Variants in STAG3 observed in about 807,000 individuals in gnomAD.
STAG3 encodes the protein cohesin subunit SA-3.
STAG3 carries 101 observed loss-of-function variants against 160.7 expected under a neutral mutation model. That is an observed-to-expected ratio of 0.63 (90% CI 0.54 to 0.74). The LOEUF (loss-of-function observed/expected upper bound fraction) is 0.74, where lower values mean the gene tolerates loss of function less well. Ranked by LOEUF, STAG3 falls within the 30% of genes least tolerant of loss-of-function variation. STAG3 has a pLI of 0.00. For synonymous variants in STAG3, 519 were observed against 585.0 expected (o/e 0.89, Z 1.63); for missense variants, 1,188 against 1,517.4 (o/e 0.78, Z 3.61).
At chr7:100,208,848 A>G (rs889466461) in intron 29 of STAG3, among the ~76,000 whole-genome samples, 8 of 152,328 alleles carry the variant, frequency 5.3e-5, no homozygotes, top group African/African-American at 1.7e-4. Context: ...TGGGGATTGC[A>G]GTCTTACAAA....
intron 26 of STAG3, among the ~76,000 whole-genome samples, chr7:100,204,420 A>G (rs999940716): frequency 6.6e-6 from 1 of 152,004 alleles, no homozygotes; most frequent in African/African-American, 2.4e-5. Context: ...GTTACTATAG[A>G]CGTTTTTATT....
At chr7:100,217,740 G>A (rs529840246), downstream of STAG3, among the ~76,000 whole-genome samples, 150 of 152,230 alleles carry the variant, frequency 9.9e-4, no homozygotes, top group African/African-American at 3.2e-3. Context: ...TTAGGTAGCC[G>A]AGGCGGAGAG....
At chr7:100,188,772 G>A in intron 6 of STAG3, 40 bp from the exon 7 acceptor site, 3 of 1,602,256 alleles carry the variant, frequency 1.9e-6, no homozygotes, top group Non-Finnish European at 2.6e-6. Context: ...TCATGGACCT[G>A]GTAATAACTT....
intron 9 of STAG3, among the ~76,000 whole-genome samples, chr7:100,195,764 G>A (rs1473638290): frequency 2.0e-5 from 3 of 152,198 alleles, no homozygotes; most frequent in African/African-American, 7.2e-5. Context: ...TCCTGGCCCA[G>A]CCTGCTGTCT....
intron 2 of STAG3, among the ~76,000 whole-genome samples, chr7:100,181,075 A>C (rs1390388253): frequency 6.6e-6 from 1 of 152,100 alleles, no homozygotes; most frequent in Non-Finnish European, 1.5e-5. Flanking sequence ...GGGGGCTGAG[A>C]GCTGGCAGAT....
In STAG3 at chr7:100,189,093, C is replaced by G. The variant is rs139760155; in HGVS notation, c.715+77C>G. 4 of 1,502,114 alleles carry G rather than the reference C, an allele frequency of 2.7e-6. No homozygotes were observed. In the African/African-American group the frequency reaches 4.1e-5, roughly 16 times the overall value. The allele number at this position is 1,502,114 out of a possible 1,614,324, so 93.0% of individuals were successfully genotyped here. A position where few individuals can be genotyped will look rare whatever the true frequency, so the allele number is the denominator to read the frequency against. On this transcript the variant is annotated intron_variant, in intron 7 of 33. Transcript: ENST00000615138. ...CCTCTGTTCTCTGATTCAGGATCTT[C>G]TTTCCTACCTGCATCTTGGCTCTTC...
intron 32 of STAG3, 75 bp downstream of exon 32, chr7:100,211,951 C>A: frequency 7.3e-7 from 1 of 1,368,390 alleles, no homozygotes; most frequent in Non-Finnish European, 1.0e-6. Context: ...GGTGTTTCCC[C>A]TCTCTCCGCT....
At chr7:100,206,039 G>T (rs1801620740) in intron 29 of STAG3, among the ~76,000 whole-genome samples, 1 of 151,886 alleles carries the variant, frequency 6.6e-6, no homozygotes, top group Non-Finnish European at 1.5e-5. Flanking sequence ...TTTTGAGATG[G>T]AGTCTTGCTC....
chr7:100,198,584 TG>T lies in STAG3; in HGVS notation c.1352+3del. 6.2e-7 allele frequency: 1 copy of T among 1,612,530 alleles called. No homozygotes were observed. The highest frequency in any genetic ancestry group is 1.8e-4 in the Middle Eastern group (1 of 5,516). On this transcript the variant is annotated splice_donor_region_variant and intron_variant, in intron 13 of 33. Transcript: ENST00000615138. ...CGCAGGCGAATTTCTGTACTGGAAG[TG>T]AGTGGGGCTCCTTTTATGTTTCTTT...
chr7:100,199,277 G>C lies in STAG3; in HGVS notation c.1483G>C (p.Ala495Pro). ...TCTCCCCTAGCTCCATGACCACGCT[G>C]CTTACTTAGTAGACAGTCTGTGGGA... is the stretch of plus-strand genomic sequence containing the variant. ...FVESELHDHA[A>P]YLVDSLWDCA... Residue 495 changes from alanine (A) to proline (P), a missense_variant, in exon 15 of 34, where the codon GCT becomes CCT. By Grantham distance (27) the Ala-to-Pro change is conservative. Coordinates refer to ENST00000615138, the MANE Select transcript of STAG3 (RefSeq NM_001282717.2). 1 of 1,613,900 alleles carries C rather than the reference G, an allele frequency of 6.2e-7. No homozygotes were observed. Among genetic ancestry groups the C allele is most frequent in the Non-Finnish European group, 8.5e-7 (1 of 1,179,762 alleles).
intron 31 of STAG3, 23 bp from the exon 32 acceptor site, chr7:100,211,772 C>G: frequency 6.2e-7 from 1 of 1,611,944 alleles, no homozygotes; most frequent in Non-Finnish European, 8.5e-7. Context: ...TTTGAAAAGC[C>G]AGTCTCTTTG....
intron 27 of STAG3, 43 bp from the exon 28 acceptor site, chr7:100,204,962 G>A: frequency 6.2e-7 from 1 of 1,601,468 alleles, no homozygotes; most frequent in Non-Finnish European, 8.5e-7. Flanking sequence ...TGGGAGGGAA[G>A]TGGGAAGAGA....
At chr7:100,186,882 G>T (rs1728531325) in intron 5 of STAG3, among the ~76,000 whole-genome samples, 1 of 152,152 alleles carries the variant, frequency 6.6e-6, no homozygotes, top group South Asian at 2.1e-4. Context: ...TTGTTTCCCA[G>T]CTACTTTGCC....
chr7:100,213,164 G>C, intron 32 of STAG3: 1 of 288,690 alleles, frequency 3.5e-6, no homozygotes, highest in Non-Finnish European at 5.3e-6. Context: ...TAGCCCTCTG[G>C]CCTGGGCTTA....
At chr7:100,203,984 C>T (rs1220444241) in intron 25 of STAG3, 37 bp from the exon 26 acceptor site, 1 of 1,432,700 alleles carries the variant, frequency 7.0e-7, no homozygotes. Flanking sequence ...GTCTTTTCCA[C>T]CAGTCAGACA....
chr7:100,195,451 GT>G, intron 9 of STAG3, 69 bp downstream of exon 9: 1 of 1,452,914 alleles, frequency 6.9e-7, no homozygotes, highest in Admixed American at 1.9e-5. Flanking sequence ...AGTGAATAAG[GT>G]TTTCCCCCCT....
intron 25 of STAG3, among the ~76,000 whole-genome samples, chr7:100,203,172 T>C (rs1465335759): frequency 7.1e-6 from 1 of 140,080 alleles, no homozygotes; most frequent in African/African-American, 2.6e-5. Flanking sequence ...GCAGTGTTTA[T>C]TTCTTTTCTT....
Position 100,201,191 on chromosome 7 carries a change from G to A in STAG3, c.2132+31G>A, listed in dbSNP as rs760971127. 7.4e-6 allele frequency: 12 copies of A among 1,613,908 alleles called. No homozygotes were observed. The East Asian group carries it at 1.1e-4, about 15-fold the overall frequency. On this transcript the variant is annotated intron_variant, in intron 20 of 33. Transcript: ENST00000615138. ...TGGCTTTCCTCCTCTTCCCCATCCC[G>A]TTTTTACTGGTGTCTGTGGAGTTGG...
chr7:100,195,335 G>A lies in STAG3; in HGVS notation c.894G>A (p.Glu298=), dbSNP rs756060550. The A allele has an allele frequency of 1.2e-6, 2 of 1,614,060 alleles. No individual in the cohort carries two copies. Among genetic ancestry groups the A allele is most frequent in the Admixed American group, 1.7e-5 (1 of 59,996 alleles). Residue 298 remains glutamate, a synonymous_variant, in exon 9 of 34, where the codon GAG becomes GAA. Coordinates refer to ENST00000615138, the MANE Select transcript of STAG3 (RefSeq NM_001282717.2). Reference sequence around the variant, plus strand: ...TCCAAGAGCATCAAGAGGAGATTGAGGGGATGATGAATGCCCTCTTCAGGG... The same window carrying A: ...TCCAAGAGCATCAAGAGGAGATTGAAGGGATGATGAATGCCCTCTTCAGGG... ...KELQEHQEEI[E]GMMNALFRGV...
Sources: allele counts gnomAD v4.1 joint callset (sites outside exome capture counted in the v4.1 genomes callset), GRCh38; gene constraint gnomAD v4.1.1; transcripts MANE v1.5; gene names NCBI Gene and HGNC (gene_info 2026-07-23, HGNC 2026-07-21).